The following PDZD8 variants were observed in gnomAD, a reference collection of about 807,000 sequenced individuals.
PDZD8 encodes PDZ domain containing 8.
In PDZD8, 14 loss-of-function variants were observed where a neutral mutation model predicts 85.8. The observed-to-expected ratio is 0.16, with a 90% CI of 0.11 to 0.26. The LOEUF is 0.26. Among genes scored for constraint, PDZD8 ranks in the 10% least tolerant of loss-of-function variants. The pLI is 1.00. For synonymous variants in PDZD8, 592 were observed against 568.6 expected, an observed-to-expected ratio of 1.04 and a Z score of -0.59; for missense variants, 1,197 against 1,424.3, an observed-to-expected ratio of 0.84 and a Z score of 2.57.
chr10:117,305,471 T>TACACAC (rs57037106), intron 3 of PDZD8, among the ~76,000 whole-genome samples: 6,219 of 141,590 alleles, frequency 0.044, 160 homozygotes, highest in African/African-American at 0.071. Context: ...TACACACACA[T>TACACAC]ACACACACAC....
chr10:117,290,124 C>T (rs1422031312), intron 4 of PDZD8, 62 bp downstream of exon 4: 46 of 1,403,700 alleles, frequency 3.3e-5, no homozygotes, highest in Non-Finnish European at 4.0e-5. Flanking sequence ...AAAGGAAAAA[C>T]CTCACACCTA....
At chr10:117,359,848 C>G (rs1844965214) in intron 1 of PDZD8, among the ~76,000 whole-genome samples, 1 of 152,170 alleles carries the variant, frequency 6.6e-6, no homozygotes, top group Non-Finnish European at 1.5e-5. Context: ...AGGAAACCCA[C>G]AGAAAATTGT....
intron 1 of PDZD8, among the ~76,000 whole-genome samples, chr10:117,357,757 C>G (rs1478481221): frequency 4.0e-4 from 33 of 82,070 alleles, no homozygotes; most frequent in South Asian, 1.9e-3. Flanking sequence ...CAGAGCAAGA[C>G]TTCATCTCCA....
At chr10:117,361,233 G>A (rs1330480251) in intron 1 of PDZD8, among the ~76,000 whole-genome samples, 1 of 139,374 alleles carries the variant, frequency 7.2e-6, no homozygotes, top group African/African-American at 2.9e-5. Context: ...AGACTGTAAC[G>A]ACTGAGTCGG....
chr10:117,284,409 C>G lies in PDZD8; in HGVS notation c.2324G>C (p.Ser775Thr). Reference sequence around the variant, plus strand: ...TTTGTCATTGAATCCCTTTTGCATACTCAGATTGCGTAGTGCGGTTCTAGT... The same window carrying G: ...TTTGTCATTGAATCCCTTTTGCATAGTCAGATTGCGTAGTGCGGTTCTAGT... ...IVTRTALRNL[S>T]MQKGFNDKFC... Residue 775 changes from serine (S) to threonine (T), a missense_variant, in exon 5 of 5, where the codon AGT becomes ACT. Ser to Thr is a moderately conservative substitution (Grantham distance 58). This residue lies in a region of PDZD8 where 418 missense variants were observed against 571.1 expected (regional missense o/e 0.73). Transcript: ENST00000334464. The G allele has an allele frequency of 6.2e-7, 1 of 1,614,154 alleles. No homozygotes were observed. Among genetic ancestry groups the G allele is most frequent in the Non-Finnish European group, 8.5e-7 (1 of 1,180,030 alleles).
intron 3 of PDZD8, among the ~76,000 whole-genome samples, chr10:117,305,067 T>C (rs968835980): frequency 6.6e-6 from 1 of 152,146 alleles, no homozygotes; most frequent in Non-Finnish European, 1.5e-5. Flanking sequence ...CAGCTGTTGA[T>C]AGAATACAAA....
chr10:117,358,443 T>C, intron 1 of PDZD8, among the ~76,000 whole-genome samples: 1 of 151,990 alleles, frequency 6.6e-6, no homozygotes, highest in East Asian at 1.9e-4. Context: ...CCTATAGTCA[T>C]CTTTCTTTCC....
intron 2 of PDZD8, among the ~76,000 whole-genome samples, chr10:117,325,128 C>G (rs1844292557): frequency 6.6e-6 from 1 of 152,014 alleles, no homozygotes; most frequent in Admixed American, 6.6e-5. Flanking sequence ...TCTGTCACCC[C>G]TCTCCCCAAC....
intron 4 of PDZD8, among the ~76,000 whole-genome samples, chr10:117,286,084 A>G (rs1844658889): frequency 1.3e-5 from 2 of 152,250 alleles, no homozygotes; most frequent in South Asian, 4.1e-4. Flanking sequence ...AAACTGCTTT[A>G]AAGTTAAACA....
intron 2 of PDZD8, among the ~76,000 whole-genome samples, chr10:117,322,642 G>GTCTGGTTCTAC (rs1844245381): frequency 6.6e-6 from 1 of 152,178 alleles, no homozygotes; most frequent in Admixed American, 6.6e-5. Context: ...ACTCAGGTAA[G>GTCTGGTTCTAC]AGAGGCCTCA....
In PDZD8 at chr10:117,357,765, CCAAAAAAAAAAAAAAAAAAAAA is replaced by C. The variant is rs1844921773; in HGVS notation, c.872+16569_872+16590del. Among the ~76,000 whole-genome samples, 144 of 28,238 alleles carry C rather than the reference CCAAAAAAAAAAAAAAAAAAAAA, an allele frequency of 5.1e-3. 5 individuals are homozygous for C. Among genetic ancestry groups the C allele is most frequent in the East Asian group, 0.01 (10 of 976 alleles). The allele number at this position is 28,238 out of a possible 152,430, so 18.5% of individuals were successfully genotyped here. On this transcript the variant is annotated intron_variant, in intron 1 of 4. Transcript: ENST00000334464. ...TGGGCAACAGAGCAAGACTTCATCT[CCAAAAAAAAAAAAAAAAAAAAA>C]AAAAAAAAAAAAAAAAAAAAAAAAA...
intron 2 of PDZD8, among the ~76,000 whole-genome samples, chr10:117,333,117 CAA>C (rs752527474): frequency 2.8e-3 from 20 of 7,258 alleles, no homozygotes; most frequent in African/African-American, 3.8e-3. Context: ...GACTCTGTCT[CAA>C]AAAAAAAAAA....
In PDZD8 at chr10:117,283,977, C is replaced by T. The variant is rs764948221; in HGVS notation, c.2756G>A (p.Arg919His). 1.8e-5 allele frequency: 29 copies of T among 1,614,096 alleles called. No homozygotes were observed. The highest frequency in any genetic ancestry group is 2.4e-5 in the Non-Finnish European group (28 of 1,180,050). ...GQETLLGLPP[R>H]VDAEASKSVN... ...TGACTTGCTAGCTTCAGCATCAACA[C>T]GAGGAGGCAGGCCTAAGAGGGTTTC... The change falls in exon 5 of 5, where the codon CGT (arginine) becomes CAT (histidine). Residue 919 changes from arginine (R) to histidine (H), a missense_variant. This residue lies in a region of PDZD8 where 418 missense variants were observed against 571.1 expected (regional missense o/e 0.73). Coordinates refer to ENST00000334464, the MANE Select transcript of PDZD8 (RefSeq NM_173791.5).
intron 1 of PDZD8, 141 bp from the exon 2 acceptor site, chr10:117,341,243 A>C: frequency 2.4e-6 from 2 of 841,502 alleles, no homozygotes; most frequent in South Asian, 2.1e-5. Flanking sequence ...AGCTTACCAC[A>C]CTCCCCCATA....
In PDZD8 at chr10:117,280,237, C is replaced by T. The variant is rs543628297; in HGVS notation, c.*3031G>A. On this transcript the variant is annotated 3_prime_UTR_variant, in exon 5 of 5. Coordinates refer to ENST00000334464, the MANE Select transcript of PDZD8 (RefSeq NM_173791.5). ...TTGCTCAGTTTGTCTAAGCCATTCA[C>T]TCAGCTAATACTAATGTAGAAAATA... 1.3e-5 allele frequency: 2 copies of T among 152,214 alleles called. No individual in the cohort carries two copies. Among genetic ancestry groups the T allele is most frequent in the African/African-American group, 4.8e-5 (2 of 41,550 alleles). The allele number at this position is 152,214 out of a possible 1,614,324, so 9.4% of individuals were successfully genotyped here.
intron 3 of PDZD8, among the ~76,000 whole-genome samples, chr10:117,298,846 G>C (rs962499751): frequency 6.6e-6 from 1 of 152,096 alleles, no homozygotes; most frequent in Non-Finnish European, 1.5e-5. Context: ...CCTTTTTCTT[G>C]AAAGTTTTTT....
chr10:117,320,332 C>T (rs538825352), intron 2 of PDZD8, among the ~76,000 whole-genome samples: 1 of 152,190 alleles, frequency 6.6e-6, no homozygotes, highest in South Asian at 2.1e-4. Context: ...CAGCTAGTGT[C>T]CCCAAATTCC....
intron 2 of PDZD8, among the ~76,000 whole-genome samples, chr10:117,324,203 C>G (rs1223499076): frequency 1.0e-5 from 1 of 97,188 alleles, no homozygotes; most frequent in Non-Finnish European, 1.9e-5. Context: ...AGCAAGACTC[C>G]ATCTCAAAAA....
At chr10:117,293,429 A>G (rs532908058) in intron 3 of PDZD8, among the ~76,000 whole-genome samples, 1 of 152,260 alleles carries the variant, frequency 6.6e-6, no homozygotes, top group East Asian at 1.9e-4. Flanking sequence ...TGGCTTCAAC[A>G]TGCATTCCCT....
Sources: gnomAD v4.1 joint callset for allele counts (sites outside exome capture counted in the v4.1 genomes callset) on GRCh38, gnomAD v4.1.1 for gene constraint, gnomAD v4.1.1 regional missense constraint, MANE v1.5 for transcripts, NCBI Gene and HGNC (gene_info 2026-07-23, HGNC 2026-07-21) for gene names.